The following LRMDA variants were observed in gnomAD, a reference collection of about 807,000 sequenced individuals.
The protein encoded by LRMDA is leucine rich melanocyte differentiation associated.
A neutral mutation model predicts 29.8 loss-of-function variants in LRMDA; 18 were observed. The ratio of observed to expected loss-of-function variants is 0.60; its 90% CI spans 0.42 to 0.90. The LOEUF is 0.90. LRMDA is among the 40% of genes least tolerant of loss of function. LRMDA has a pLI of 0.00. For synonymous variants in LRMDA, 125 were observed against 109.4 expected, an observed-to-expected ratio of 1.14 and a Z score of -0.89; for missense variants, 273 against 273.9, an observed-to-expected ratio of 1.00 and a Z score of 0.02.
At chr10:76,196,062 G>T (rs1055698776) in intron 5 of LRMDA, among the ~76,000 whole-genome samples, 1 of 152,200 alleles carries the variant, frequency 6.6e-6, no homozygotes, top group African/African-American at 2.4e-5. Flanking sequence ...GTTCAGCTAA[G>T]AGGACCTTTT....
At chr10:75,617,294 A>G (rs967396419) in intron 2 of LRMDA, among the ~76,000 whole-genome samples, 3 of 152,174 alleles carry the variant, frequency 2.0e-5, no homozygotes, top group African/African-American at 7.2e-5. Flanking sequence ...ACGGCTGCCA[A>G]GGTTTCCCAT....
At chr10:75,717,623 A>G (rs1842517684) in intron 2 of LRMDA, among the ~76,000 whole-genome samples, 1 of 152,150 alleles carries the variant, frequency 6.6e-6, no homozygotes, top group Non-Finnish European at 1.5e-5. Flanking sequence ...GTGGCTGTAG[A>G]TGCTCCATGT....
At chr10:76,539,765 C>T (rs773294820) in intron 6 of LRMDA, among the ~76,000 whole-genome samples, 15 of 152,012 alleles carry the variant, frequency 9.9e-5, no homozygotes, top group Non-Finnish European at 1.6e-4. Flanking sequence ...AGTGTGCCAG[C>T]GAGAGGCACA....
chr10:75,968,114 C>T (rs111952282), intron 2 of LRMDA, among the ~76,000 whole-genome samples: 2,819 of 151,868 alleles, frequency 0.019, 51 homozygotes, highest in Non-Finnish European at 0.023. Flanking sequence ...TGGGAGTGCT[C>T]GCAGCATCTC....
rs529571947 is a variant in LRMDA, at chr10:75,978,109, A to T, written c.132-57899A>T. Among the ~76,000 whole-genome samples the T allele has an allele frequency of 1.2e-4, 18 of 152,318 alleles. No homozygotes were observed. In the East Asian group the frequency reaches 3.3e-3, roughly 28 times the overall value. ...CTCAGTGAGTTATTCCTGGTTGGAG[A>T]TGGAGGGCACTGGAGCAAGGGATGG... is the stretch of plus-strand genomic sequence containing the variant. On this transcript the variant is annotated intron_variant, in intron 2 of 6. Transcript: ENST00000611255.
At chr10:75,489,209 C>T (rs1330995044) in intron 2 of LRMDA, among the ~76,000 whole-genome samples, 3 of 142,556 alleles carry the variant, frequency 2.1e-5, no homozygotes, top group Non-Finnish European at 4.5e-5. Context: ...ACTATGTCAA[C>T]CCCCTTGGAT....
At chr10:76,290,623 T>C (rs1471910419) in intron 5 of LRMDA, among the ~76,000 whole-genome samples, 2 of 152,052 alleles carry the variant, frequency 1.3e-5, no homozygotes, top group African/African-American at 4.8e-5. Context: ...GATTTCACCA[T>C]GTTGGCCAGG....
At chr10:76,521,426 G>T (rs1229036377) in intron 6 of LRMDA, among the ~76,000 whole-genome samples, 1 of 152,104 alleles carries the variant, frequency 6.6e-6, no homozygotes, top group East Asian at 1.9e-4. Flanking sequence ...GAGCCACCGC[G>T]CCCAGCCCCA....
intron 6 of LRMDA, among the ~76,000 whole-genome samples, chr10:76,536,504 G>A (rs1265765419): frequency 1.3e-5 from 2 of 152,028 alleles, no homozygotes; most frequent in African/African-American, 2.4e-5. Flanking sequence ...ACTGAAGAGC[G>A]ATTGATCTAG....
rs182065384 is a variant in LRMDA at position 76,527,983 on chromosome 10, A to G, written c.602-29226A>G. Among the ~76,000 whole-genome samples, 135 of 152,286 alleles carry G rather than the reference A, an allele frequency of 8.9e-4. 1 individual carries two copies. Among genetic ancestry groups the G allele is most frequent in the Middle Eastern group, 3.4e-3 (1 of 294 alleles). On this transcript the variant is annotated intron_variant, in intron 6 of 6. Coordinates refer to ENST00000611255, the MANE Select transcript of LRMDA (RefSeq NM_001305581.2). ...ACCATGAGCAATATTCACTCTCGATAATAACCAAATGCTTAAAAAGTAAAG... is the reference window on the plus strand; with the variant it reads ...ACCATGAGCAATATTCACTCTCGATGATAACCAAATGCTTAAAAAGTAAAG...
intron 2 of LRMDA, among the ~76,000 whole-genome samples, chr10:75,610,731 T>G (rs1481182829): frequency 6.6e-6 from 1 of 152,182 alleles, no homozygotes; most frequent in Non-Finnish European, 1.5e-5. Context: ...AGGCAATACA[T>G]GTTCCCTAAA....
chr10:75,493,350 T>TGGGA (rs72058186), intron 2 of LRMDA, among the ~76,000 whole-genome samples: 1 of 138,532 alleles, frequency 7.2e-6, no homozygotes, highest in Non-Finnish European at 1.5e-5. Context: ...TGAGATTGGG[T>TGGGA]GTGTGTGTGT....
At chr10:76,347,832 A>G (rs1043864069) in intron 6 of LRMDA, among the ~76,000 whole-genome samples, 2 of 152,208 alleles carry the variant, frequency 1.3e-5, no homozygotes, top group African/African-American at 4.8e-5. Context: ...TACTAACAGC[A>G]TCTTATTGGT....
At chr10:75,838,171 A>T (rs952610387) in intron 2 of LRMDA, among the ~76,000 whole-genome samples, 5 of 152,210 alleles carry the variant, frequency 3.3e-5, no homozygotes, top group Non-Finnish European at 1.5e-5. Flanking sequence ...AACCATTGTG[A>T]TTAAAACTGG....
chr10:76,530,983 C>G (rs2132373165), intron 6 of LRMDA, among the ~76,000 whole-genome samples: 1 of 152,226 alleles, frequency 6.6e-6, no homozygotes, highest in Non-Finnish European at 1.5e-5. Flanking sequence ...GAACTGAGAA[C>G]TTCTGTTTTT....
chr10:75,986,670 C>G (rs1847267167), intron 2 of LRMDA, among the ~76,000 whole-genome samples: 1 of 152,200 alleles, frequency 6.6e-6, no homozygotes, highest in South Asian at 2.1e-4. Context: ...CTGGAAAGAC[C>G]TGTTACCCAG....
chr10:75,655,023 G>A (rs894868775), intron 2 of LRMDA, among the ~76,000 whole-genome samples: 26 of 152,190 alleles, frequency 1.7e-4, no homozygotes, highest in African/African-American at 5.1e-4. Context: ...TCTTCCCCAC[G>A]GAGGCAGCGA....
At chr10:76,154,270 CAT>C (rs1850498713) in intron 5 of LRMDA, among the ~76,000 whole-genome samples, 1 of 152,178 alleles carries the variant, frequency 6.6e-6, no homozygotes, top group African/African-American at 2.4e-5. Flanking sequence ...AAGGTAGACA[CAT>C]GTGTTTGACA....
At chr10:75,578,216 A>AAAAAAAAAC (rs1840534600) in intron 2 of LRMDA, among the ~76,000 whole-genome samples, 1 of 82,426 alleles carries the variant, frequency 1.2e-5, no homozygotes, top group Non-Finnish European at 2.2e-5. Flanking sequence ...AATGGAAAGC[A>AAAAAAAAAC]AAAAAAAAAA....
Sources: allele counts gnomAD v4.1 joint callset (sites outside exome capture counted in the v4.1 genomes callset), GRCh38; gene constraint gnomAD v4.1.1; transcripts MANE v1.5; gene names NCBI Gene and HGNC (gene_info 2026-07-23, HGNC 2026-07-21).